The following CNTN4 variants were observed in gnomAD, a reference collection of about 807,000 sequenced individuals.
The protein encoded by CNTN4 is contactin 4.
A neutral mutation model predicts 122.5 loss-of-function variants in CNTN4; 77 were observed. That is an observed-to-expected ratio of 0.63 (90% confidence interval 0.52 to 0.76). The LOEUF (loss-of-function observed/expected upper bound fraction) is 0.76. Among genes scored for constraint, CNTN4 ranks in the 30% least tolerant of loss-of-function variants. The pLI is 0.00. For missense variants in CNTN4, 1,256 were observed against 1,259.1 expected (o/e 1.00, Z 0.04); for synonymous variants, 512 against 447.0 (o/e 1.15, Z -1.83).
chr3:2,798,397 C>CTCTCTATCTATA (rs2092263915), intron 6 of CNTN4, among the ~76,000 whole-genome samples: 1 of 148,068 alleles, frequency 6.8e-6, no homozygotes, highest in East Asian at 2.0e-4. Context: ...ATCTATATAT[C>CTCTCTATCTATA]TATCTATCTA....
chr3:2,198,641 AT>A (rs1424525325), intron 2 of CNTN4, among the ~76,000 whole-genome samples: 1 of 152,224 alleles, frequency 6.6e-6, no homozygotes, highest in East Asian at 1.9e-4. Context: ...GTATAAAAAA[AT>A]AAAATATATT....
intron 6 of CNTN4, among the ~76,000 whole-genome samples, chr3:2,753,780 C>T (rs2149626650): frequency 6.6e-6 from 1 of 152,160 alleles, no homozygotes; most frequent in Non-Finnish European, 1.5e-5. Flanking sequence ...CATATATTTG[C>T]TTTTGTTTTT....
chr3:2,715,553 C>T (rs567679087), intron 4 of CNTN4, among the ~76,000 whole-genome samples: 19 of 152,338 alleles, frequency 1.2e-4, no homozygotes, highest in African/African-American at 4.6e-4. Flanking sequence ...ATGCAAAGCA[C>T]ATTTCAAGTC....
At chr3:2,909,060 CTA>C (rs2094269788) in intron 12 of CNTN4, among the ~76,000 whole-genome samples, 1 of 152,206 alleles carries the variant, frequency 6.6e-6, no homozygotes, top group African/African-American at 2.4e-5. Flanking sequence ...TAAGGCTAAA[CTA>C]AAAGTTATTT....
At chr3:2,741,174 C>T (rs2089437925) in intron 5 of CNTN4, among the ~76,000 whole-genome samples, 1 of 152,188 alleles carries the variant, frequency 6.6e-6, no homozygotes, top group Non-Finnish European at 1.5e-5. Flanking sequence ...AACTCTACAA[C>T]ATGCTTACTA....
chr3:2,538,887 ATTAC>A (rs2077920798), intron 3 of CNTN4, among the ~76,000 whole-genome samples: 1 of 151,596 alleles, frequency 6.6e-6, no homozygotes, highest in African/African-American at 2.4e-5. Context: ...AATTTGATTT[ATTAC>A]TTAATATATT....
intron 1 of CNTN4, chr3:2,099,364 C>G (rs1440378202): frequency 1.3e-5 from 2 of 152,362 alleles, no homozygotes; most frequent in Non-Finnish European, 2.9e-5. Flanking sequence ...GTCAGCTCCT[C>G]CGACTGGTTC....
chr3:2,378,900 A>G lies in CNTN4; in HGVS notation c.-89+39667A>G, dbSNP rs978757168. On this transcript the variant is annotated intron_variant, in intron 3 of 24. Transcript: ENST00000418658. ...CTGGTATTAGAGGAATGTAATACCA[A>G]TACCAATATCACTATCAATTAGAGG... 6.5e-4 allele frequency among the ~76,000 whole-genome samples: 99 copies of G among 152,198 alleles called. 1 individual carries two copies. Among genetic ancestry groups the G allele is most frequent in the Admixed American group, 6.5e-3 (99 of 15,286 alleles).
rs144334878 is a variant in CNTN4 at position 2,588,949 on chromosome 3, G to A, written c.55+17391G>A. On this transcript the variant is annotated intron_variant, in intron 4 of 24. Transcript: ENST00000418658. ...GTTGTGTATTTTAACTCATGTACTA[G>A]GTAAAAGTTGATGTAAATCAATTTG... Among the ~76,000 whole-genome samples the A allele has an allele frequency of 1.0e-3, 156 of 152,174 alleles. 2 individuals are homozygous for A. The East Asian group carries it at 0.024, about 23-fold the overall frequency.
In CNTN4 at chr3:2,124,464, ACACACACAC is replaced by A. The variant is rs796380542; in HGVS notation, c.-145+23827_-145+23835del. 1.5e-3 allele frequency among the ~76,000 whole-genome samples: 219 copies of A among 149,232 alleles called. 2 individuals are homozygous for A. The highest frequency in any genetic ancestry group is 0.01 in the Middle Eastern group (3 of 292). ...CACACACACACACACACACACACAC[ACACACACAC>A]CCCCTTAAGCAAGGTATGCTGGCTC... On this transcript the variant is annotated intron_variant, in intron 2 of 24. Coordinates refer to ENST00000418658, the MANE Select transcript of CNTN4 (RefSeq NM_175607.3).
At chr3:2,945,668 G>A (rs1462755105) in intron 13 of CNTN4, among the ~76,000 whole-genome samples, 6 of 152,146 alleles carry the variant, frequency 3.9e-5, no homozygotes, top group South Asian at 2.1e-4. Flanking sequence ...AAAAAACTTC[G>A]ACATCAGATC....
At chr3:2,947,290 C>G (rs1311526403) in intron 13 of CNTN4, among the ~76,000 whole-genome samples, 7 of 152,130 alleles carry the variant, frequency 4.6e-5, no homozygotes, top group Non-Finnish European at 1.0e-4. Flanking sequence ...TTCTCTTATG[C>G]CCCATAACAA....
At position 2,385,586 on chromosome 3, in the gene CNTN4, T is replaced by C. The variant is rs1575519831; in HGVS notation, c.-89+46353T>C. Among the ~76,000 whole-genome samples the C allele has an allele frequency of 6.6e-6, 1 of 152,098 alleles. No homozygotes were observed. The highest frequency in any genetic ancestry group is 1.9e-4 in the East Asian group (1 of 5,182). ...GTAGGGCTGTGCTCCGTCTGTAACC[T>C]CTAGGGGAGGGTCGCATCTCTCAGC... On this transcript the variant is annotated intron_variant, in intron 3 of 24. Transcript: ENST00000418658. The surrounding 1 kb of genome is among the most constrained non-coding windows in gnomAD (Gnocchi z 4.0).
chr3:2,925,886 C>A, intron 13 of CNTN4, 107 bp downstream of exon 13: 3 of 934,700 alleles, frequency 3.2e-6, no homozygotes, highest in South Asian at 1.4e-5. Flanking sequence ...TGTTCCTGAA[C>A]TAAGTGTTAA....
At chr3:2,729,477 G>A (rs2088503964) in intron 4 of CNTN4, among the ~76,000 whole-genome samples, 1 of 146,860 alleles carries the variant, frequency 6.8e-6, no homozygotes, top group Non-Finnish European at 1.5e-5. Flanking sequence ...CTGGGAGGTG[G>A]AGGTTGCAGT....
intron 8 of CNTN4, among the ~76,000 whole-genome samples, chr3:2,872,891 T>C (rs1330669858): frequency 6.6e-6 from 1 of 152,206 alleles, no homozygotes; most frequent in East Asian, 1.9e-4. Context: ...TTCTCAAATA[T>C]AACTGAAATA....
intron 3 of CNTN4, among the ~76,000 whole-genome samples, chr3:2,450,921 C>A (rs768739707): frequency 1.3e-5 from 2 of 152,190 alleles, no homozygotes; most frequent in East Asian, 3.8e-4. Context: ...TCACCACTCA[C>A]ATTGTTAAAG....
At chr3:2,738,107 A>G (rs1408611775) in intron 5 of CNTN4, among the ~76,000 whole-genome samples, 4 of 152,302 alleles carry the variant, frequency 2.6e-5, no homozygotes, top group African/African-American at 9.6e-5. Flanking sequence ...AAGGCTAAGA[A>G]TTTTCCAAAC....
chr3:2,103,749 A>G (rs565619002), intron 2 of CNTN4, among the ~76,000 whole-genome samples: 26 of 152,264 alleles, frequency 1.7e-4, no homozygotes, highest in African/African-American at 6.0e-4. Context: ...TATTTTCTAT[A>G]TGACTAAGGG....
Sources: allele counts gnomAD v4.1 joint callset (sites outside exome capture counted in the v4.1 genomes callset), GRCh38; gene constraint gnomAD v4.1.1; non-coding constraint Gnocchi (gnomAD v3.1); transcripts MANE v1.5; gene names NCBI Gene and HGNC (gene_info 2026-07-23, HGNC 2026-07-21).